MAN1C1: variants seen among roughly 807,000 people sequenced by gnomAD.
MAN1C1 encodes mannosyl-oligosaccharide 1,2-alpha-mannosidase IC.
A neutral mutation model predicts 71.5 loss-of-function variants in MAN1C1; 49 were observed. The ratio of observed to expected loss-of-function variants is 0.69; its 90% CI spans 0.54 to 0.87. The LOEUF is 0.87. MAN1C1 is among the 40% of genes least tolerant of loss of function. The pLI is 0.00. For missense variants in MAN1C1, 743 were observed against 835.0 expected (o/e 0.89, Z 1.36); for synonymous variants, 352 against 343.7 (o/e 1.02, Z -0.27).
intron 2 of MAN1C1, among the ~76,000 whole-genome samples, chr1:25,741,664 GA>G: frequency 6.6e-6 from 1 of 152,316 alleles, no homozygotes. Context: ...TAGGGGCCTA[GA>G]ATGTGGACAT....
At chr1:25,712,130 A>C (rs919294015) in intron 2 of MAN1C1, among the ~76,000 whole-genome samples, 1 of 152,218 alleles carries the variant, frequency 6.6e-6, no homozygotes, top group African/African-American at 2.4e-5. Context: ...GGTGCTAAAT[A>C]AATGTCTGCA....
At chr1:25,679,558 TA>T (rs35048799) in intron 1 of MAN1C1, among the ~76,000 whole-genome samples, 27,583 of 134,824 alleles carry the variant, frequency 0.2, 4,537 homozygotes, top group African/African-American at 0.47. Flanking sequence ...CTAAATGAGT[TA>T]AAAAAAAAAA....
intron 2 of MAN1C1, among the ~76,000 whole-genome samples, chr1:25,740,562 A>C (rs576132517): frequency 5.9e-4 from 89 of 152,048 alleles, no homozygotes; most frequent in African/African-American, 2.1e-3. Context: ...TCAGCCTCCC[A>C]AGCAGCTGGG....
At chr1:25,620,987 G>C (rs2045198542) in intron 1 of MAN1C1, among the ~76,000 whole-genome samples, 1 of 152,222 alleles carries the variant, frequency 6.6e-6, no homozygotes, top group Non-Finnish European at 1.5e-5. Flanking sequence ...GTGGTGGAGA[G>C]AGGAGACCCA....
chr1:25,668,821 G>C (rs1385073030), intron 1 of MAN1C1, among the ~76,000 whole-genome samples: 2 of 152,106 alleles, frequency 1.3e-5, no homozygotes, highest in Non-Finnish European at 2.9e-5. Flanking sequence ...GCCTCCCAAA[G>C]TGCTGGGATT....
In MAN1C1 at chr1:25,784,028, A is replaced by C; in HGVS notation, c.*239A>C. 1 of 442,922 alleles carries C rather than the reference A, an allele frequency of 2.3e-6. No individual in the cohort carries two copies. The highest frequency in any genetic ancestry group is 4.0e-6 in the Non-Finnish European group (1 of 252,938). The allele number at this position is 442,922 out of a possible 1,614,324, so 27.4% of individuals were successfully genotyped here. On this transcript the variant is annotated 3_prime_UTR_variant, in exon 12 of 12. Transcript: ENST00000374332. ...TTCCTTTCTACAGAGAATTTCTATG[A>C]AGCCCACTCACTTGCCATTCCAGGG...
chr1:25,717,784 G>A (rs181103021), intron 2 of MAN1C1, among the ~76,000 whole-genome samples: 1 of 151,954 alleles, frequency 6.6e-6, no homozygotes, highest in East Asian at 1.9e-4. Flanking sequence ...GGCTAGTCTT[G>A]AACTCCCAAC....
chr1:25,714,958 A>C (rs2046661106), intron 2 of MAN1C1, among the ~76,000 whole-genome samples: 1 of 152,166 alleles, frequency 6.6e-6, no homozygotes. Flanking sequence ...ATTTAAGTTC[A>C]ATTTACTAGA....
intron 2 of MAN1C1, among the ~76,000 whole-genome samples, chr1:25,710,982 G>A (rs947674668): frequency 2.0e-5 from 3 of 152,178 alleles, no homozygotes; most frequent in African/African-American, 7.2e-5. Context: ...AACGGTTGCT[G>A]TGTAACAAAC....
intron 2 of MAN1C1, among the ~76,000 whole-genome samples, chr1:25,743,614 A>G (rs758077761): frequency 6.6e-6 from 1 of 152,240 alleles, no homozygotes; most frequent in Non-Finnish European, 1.5e-5. Context: ...GCCTGAGAGC[A>G]GGGGCAGGAA....
chr1:25,722,931 C>A (rs2046785843), intron 2 of MAN1C1, among the ~76,000 whole-genome samples: 1 of 152,210 alleles, frequency 6.6e-6, no homozygotes, highest in African/African-American at 2.4e-5. Context: ...TTTCATTCTC[C>A]TACCTAGCAA....
At chr1:25,625,681 C>T (rs559452473) in intron 1 of MAN1C1, among the ~76,000 whole-genome samples, 49 of 152,126 alleles carry the variant, frequency 3.2e-4, no homozygotes, top group Non-Finnish European at 4.9e-4. Context: ...AATAATCAGG[C>T]GTGGTAGTGT....
chr1:25,749,166 G>A (rs2047177716), intron 3 of MAN1C1, 89 bp from the exon 4 acceptor site: 1 of 1,060,702 alleles, frequency 9.4e-7, no homozygotes, highest in Non-Finnish European at 1.4e-6. Context: ...ACAGGTATGG[G>A]AGGAATATCA....
At chr1:25,719,467 C>T (rs1274081724) in intron 2 of MAN1C1, among the ~76,000 whole-genome samples, 3 of 151,404 alleles carry the variant, frequency 2.0e-5, no homozygotes, top group Non-Finnish European at 2.9e-5. Context: ...TCTCTGTGCT[C>T]AGGCTGGAGT....
intron 2 of MAN1C1, among the ~76,000 whole-genome samples, chr1:25,734,088 T>C (rs868665921): frequency 6.6e-6 from 1 of 152,056 alleles, no homozygotes; most frequent in Non-Finnish European, 1.5e-5. Flanking sequence ...CGTGAGCCAC[T>C]GCGCCCAGCC....
chr1:25,782,136 C>T lies in MAN1C1; in HGVS notation c.1651-449C>T, dbSNP rs144133788. ...AAGATGAATGGCTTGGCTCACTTGC[C>T]TCCAGCCCAGGGGCCATCTCTCCTG... On this transcript the variant is annotated intron_variant, in intron 10 of 11. Coordinates refer to ENST00000374332, the MANE Select transcript of MAN1C1 (RefSeq NM_020379.4). This position sits in a 1 kb window ranked among gnomAD's most constrained non-coding sequence, Gnocchi z 4.4. Among the ~76,000 whole-genome samples, 369 of 152,074 alleles carry T rather than the reference C, an allele frequency of 2.4e-3. 3 individuals are homozygous for T. The highest frequency in any genetic ancestry group is 7.9e-3 in the African/African-American group (326 of 41,494).
chr1:25,710,501 T>G (rs935309580), intron 2 of MAN1C1, among the ~76,000 whole-genome samples: 1 of 152,248 alleles, frequency 6.6e-6, no homozygotes, highest in Non-Finnish European at 1.5e-5. Flanking sequence ...ATGTACTGTG[T>G]GCCAAGTGCT....
rs560933172 is a variant in MAN1C1, at chr1:25,623,275, C to T, written c.540+4938C>T. On this transcript the variant is annotated intron_variant, in intron 1 of 11. Coordinates refer to ENST00000374332, the MANE Select transcript of MAN1C1 (RefSeq NM_020379.4). ...CCAGGTATACAACTTAACTCCCACA[C>T]GTTGGTTGTGTCTCTGCTTTCATTT... 6.9e-4 allele frequency among the ~76,000 whole-genome samples: 105 copies of T among 152,310 alleles called. 1 individual carries two copies. Among genetic ancestry groups the T allele is most frequent in the Middle Eastern group, 3.4e-3 (1 of 294 alleles).
chr1:25,743,319 A>G (rs2047085958), intron 2 of MAN1C1, among the ~76,000 whole-genome samples: 2 of 152,236 alleles, frequency 1.3e-5, no homozygotes, highest in Non-Finnish European at 2.9e-5. Context: ...AGCCCGCCCC[A>G]GCCACAGCCC....
Sources: allele counts gnomAD v4.1 joint callset (sites outside exome capture counted in the v4.1 genomes callset), GRCh38; gene constraint gnomAD v4.1.1; non-coding constraint Gnocchi (gnomAD v3.1); transcripts MANE v1.5; gene names NCBI Gene and HGNC (gene_info 2026-07-23, HGNC 2026-07-21).